The following FGD6 variants were observed in gnomAD, a reference collection of about 807,000 sequenced individuals.
The protein encoded by FGD6 is FYVE, RhoGEF and PH domain containing 6, also known as FYVE, RhoGEF and PH domain-containing protein 6.
FGD6 carries 90 observed loss-of-function variants against 149.4 expected under a neutral mutation model. That is an observed-to-expected ratio of 0.60 (90% CI 0.51 to 0.72). FGD6 has a LOEUF of 0.72. Among genes scored for constraint, FGD6 ranks in the 30% least tolerant of loss-of-function variants. The probability of loss-of-function intolerance (pLI) is 0.00; values close to 1 mark genes in which losing one functional copy is unlikely to be tolerated. For missense variants in FGD6, 1,437 were observed against 1,684.8 expected, an observed-to-expected ratio of 0.85 and a Z score of 2.57; for synonymous variants, 527 against 584.0, an observed-to-expected ratio of 0.90 and a Z score of 1.41.
At chr12:95,160,955 G>A (rs556124289) in intron 3 of FGD6, among the ~76,000 whole-genome samples, 8 of 152,158 alleles carry the variant, frequency 5.3e-5, no homozygotes, top group Middle Eastern at 3.4e-3. Context: ...CAAGGCAGCC[G>A]GATCACTTGA....
At chr12:95,216,650 G>C (rs1413760038) in intron 1 of FGD6, among the ~76,000 whole-genome samples, 1 of 71,732 alleles carries the variant, frequency 1.4e-5, no homozygotes, top group Non-Finnish European at 2.7e-5. Flanking sequence ...CAAAATAATT[G>C]TAATTGGGTG....
At chr12:95,177,269 C>T (rs2136286089) in intron 2 of FGD6, among the ~76,000 whole-genome samples, 1 of 152,258 alleles carries the variant, frequency 6.6e-6, no homozygotes, top group Non-Finnish European at 1.5e-5. Context: ...TTAAAAATTC[C>T]AGCAAGGAGA....
chr12:95,082,524 G>T (rs1877710208), intron 20 of FGD6, among the ~76,000 whole-genome samples: 1 of 151,864 alleles, frequency 6.6e-6, no homozygotes, highest in African/African-American at 2.4e-5. Context: ...GGGCGTGGTG[G>T]TGTGCGCCTG....
At chr12:95,096,309 A>T (rs1223404723) in intron 14 of FGD6, among the ~76,000 whole-genome samples, 1 of 152,200 alleles carries the variant, frequency 6.6e-6, no homozygotes, top group Non-Finnish European at 1.5e-5. Context: ...CCCTACAATC[A>T]TCATTCTCAG....
intron 2 of FGD6, among the ~76,000 whole-genome samples, chr12:95,192,698 T>G (rs1001320682): frequency 6.6e-6 from 1 of 152,020 alleles, no homozygotes; most frequent in Non-Finnish European, 1.5e-5. Context: ...TGGAGAACAA[T>G]GGGGAAGATT....
intron 2 of FGD6, among the ~76,000 whole-genome samples, chr12:95,197,131 T>C (rs947390900): frequency 5.3e-5 from 8 of 151,924 alleles, no homozygotes; most frequent in African/African-American, 1.7e-4. Flanking sequence ...ATCCAGGTCC[T>C]ACTCTCTCAC....
chr12:95,169,814 T>C (rs1592861621), intron 3 of FGD6, among the ~76,000 whole-genome samples: 1 of 152,116 alleles, frequency 6.6e-6, no homozygotes, highest in Non-Finnish European at 1.5e-5. Context: ...TTGATTTAAT[T>C]ATGGCCCTCA....
At chr12:95,134,960 T>C in intron 7 of FGD6, 134 bp from the exon 8 acceptor site, 1 of 655,696 alleles carries the variant, frequency 1.5e-6, no homozygotes, top group Non-Finnish European at 2.6e-6. Flanking sequence ...TCCCTTTTAT[T>C]TTAAGGTACA....
chr12:95,160,873 AAAAC>A (rs1252632467), intron 3 of FGD6, among the ~76,000 whole-genome samples: 4 of 151,990 alleles, frequency 2.6e-5, no homozygotes, highest in Admixed American at 1.3e-4. Flanking sequence ...TCAAAAAAAC[AAAAC>A]AAACAAACAA....
intron 2 of FGD6, among the ~76,000 whole-genome samples, chr12:95,204,433 T>C (rs1020351706): frequency 3.9e-5 from 6 of 151,958 alleles, no homozygotes; most frequent in African/African-American, 1.5e-4. Context: ...GAGAAGGGAT[T>C]GGAATAAGAA....
At chr12:95,085,528 TTAG>T in intron 19 of FGD6, 3 of 483,218 alleles carry the variant, frequency 6.2e-6, no homozygotes, top group Non-Finnish European at 1.1e-5. Flanking sequence ...AGTAAAGTAA[TTAG>T]TAGTCACACG....
intron 6 of FGD6, among the ~76,000 whole-genome samples, chr12:95,140,281 G>A (rs552664245): frequency 6.6e-6 from 1 of 152,136 alleles, no homozygotes; most frequent in Non-Finnish European, 1.5e-5. Flanking sequence ...CAGCCTAGTG[G>A]AAGTAGCTTC....
intron 2 of FGD6, among the ~76,000 whole-genome samples, chr12:95,193,640 T>G (rs1881656458): frequency 6.6e-6 from 1 of 151,962 alleles, no homozygotes; most frequent in African/African-American, 2.4e-5. Flanking sequence ...GCGATTCTCT[T>G]GCCTCAGCCT....
At chr12:95,202,626 T>A (rs1056663459) in intron 2 of FGD6, among the ~76,000 whole-genome samples, 2 of 152,044 alleles carry the variant, frequency 1.3e-5, no homozygotes, top group Non-Finnish European at 2.9e-5. Flanking sequence ...ACTCCTGGGC[T>A]CGAGCAATCC....
At chr12:95,100,612 T>TC (rs1878395541) in intron 14 of FGD6, 5 of 498,812 alleles carry the variant, frequency 1.0e-5, no homozygotes, top group African/African-American at 2.0e-5. Context: ...CATTCTTTTT[T>TC]CCCACCCTTG....
At chr12:95,192,660 G>T (rs566573699) in intron 2 of FGD6, among the ~76,000 whole-genome samples, 200 of 152,308 alleles carry the variant, frequency 1.3e-3, no homozygotes, top group Non-Finnish European at 1.9e-3. Context: ...AAGAGGCAGT[G>T]TTAGAAAGGA....
intron 2 of FGD6, among the ~76,000 whole-genome samples, chr12:95,196,633 C>A (rs891921774): frequency 6.6e-5 from 10 of 151,290 alleles, no homozygotes; most frequent in African/African-American, 2.4e-4. Context: ...AATAAACATG[C>A]CAATTTTTTT....
At chr12:95,146,192 C>G (rs1191062266) in intron 5 of FGD6, among the ~76,000 whole-genome samples, 1 of 152,200 alleles carries the variant, frequency 6.6e-6, no homozygotes, top group African/African-American at 2.4e-5. Flanking sequence ...ACACAGGAAC[C>G]ACACGCAGAA....
intron 8 of FGD6, among the ~76,000 whole-genome samples, chr12:95,129,274 T>C (rs927371012): frequency 1.8e-5 from 1 of 56,436 alleles, no homozygotes; most frequent in Non-Finnish European, 2.9e-5. Flanking sequence ...CATCCGTCCA[T>C]GCATCTATGC....
Sources: allele counts gnomAD v4.1 joint callset (sites outside exome capture counted in the v4.1 genomes callset), GRCh38; gene constraint gnomAD v4.1.1; transcripts MANE v1.5; gene names NCBI Gene and HGNC (gene_info 2026-07-23, HGNC 2026-07-21).